PRKAA2: variants seen among roughly 807,000 people sequenced by gnomAD.
PRKAA2 encodes protein kinase AMP-activated catalytic subunit alpha 2.
Under a neutral mutation model 56.3 loss-of-function variants are expected in PRKAA2, and 40 were observed. The ratio of observed to expected loss-of-function variants is 0.71; its 90% CI spans 0.55 to 0.92. The LOEUF is 0.92. PRKAA2 is among the 40% of genes least tolerant of loss of function. PRKAA2 has a pLI of 0.00. For missense variants in PRKAA2, 542 were observed against 686.9 expected, an observed-to-expected ratio of 0.79 and a Z score of 2.36; for synonymous variants, 214 against 234.2, an observed-to-expected ratio of 0.91 and a Z score of 0.79.
intron 1 of PRKAA2, among the ~76,000 whole-genome samples, chr1:56,650,873 T>A (rs922689200): frequency 6.6e-6 from 1 of 152,200 alleles, no homozygotes; most frequent in Non-Finnish European, 1.5e-5. Context: ...GTTTTTGAGA[T>A]AACAGGAAGG....
At chr1:56,666,110 A>G (rs931146120) in intron 1 of PRKAA2, among the ~76,000 whole-genome samples, 1 of 152,238 alleles carries the variant, frequency 6.6e-6, no homozygotes, top group Non-Finnish European at 1.5e-5. Flanking sequence ...TAAAGCAGCA[A>G]TACTAGTAGA....
chr1:56,670,271 A>G (rs1370171884), intron 1 of PRKAA2, among the ~76,000 whole-genome samples: 1 of 152,222 alleles, frequency 6.6e-6, no homozygotes, highest in Admixed American at 6.5e-5. Flanking sequence ...AAATATCCAA[A>G]ATAAGAATGG....
At chr1:56,652,735 A>G (rs1030492349) in intron 1 of PRKAA2, among the ~76,000 whole-genome samples, 1 of 152,206 alleles carries the variant, frequency 6.6e-6, no homozygotes, top group African/African-American at 2.4e-5. Context: ...ATAAAATGCT[A>G]TACAGATAGA....
At chr1:56,661,448 A>G (rs1338954418) in intron 1 of PRKAA2, among the ~76,000 whole-genome samples, 1 of 152,146 alleles carries the variant, frequency 6.6e-6, no homozygotes, top group Non-Finnish European at 1.5e-5. Flanking sequence ...ATTCTACTGT[A>G]TCTGGCTTCT....
rs915079090 is a variant in PRKAA2 at position 56,712,844 on chromosome 1, T to A, written c.*5131T>A. On this transcript the variant is annotated 3_prime_UTR_variant, in exon 9 of 9. Transcript: ENST00000371244. Reference sequence around the variant, plus strand: ...GCCAGCCTGGGTGACAGCACAAGACTGTCTCAAAAAAAAACAAAAAAAGGA... The same window carrying A: ...GCCAGCCTGGGTGACAGCACAAGACAGTCTCAAAAAAAAACAAAAAAAGGA... The A allele has an allele frequency of 2.0e-5, 3 of 151,530 alleles. No homozygotes were observed. The highest frequency in any genetic ancestry group is 2.9e-5 in the Non-Finnish European group (2 of 67,960). The allele number at this position is 151,530 out of a possible 1,614,324, so 9.4% of individuals were successfully genotyped here.
chr1:56,685,788 GA>G (rs1644187062), intron 2 of PRKAA2, among the ~76,000 whole-genome samples: 1 of 151,786 alleles, frequency 6.6e-6, no homozygotes, highest in Non-Finnish European at 1.5e-5. Flanking sequence ...AAGAATGCAA[GA>G]AAAAAACAAC....
intron 1 of PRKAA2, among the ~76,000 whole-genome samples, chr1:56,665,228 C>T (rs992580573): frequency 4.6e-5 from 7 of 152,040 alleles, no homozygotes; most frequent in African/African-American, 1.7e-4. Flanking sequence ...TGCCCACCGC[C>T]ACACCCAGCT....
intron 1 of PRKAA2, among the ~76,000 whole-genome samples, chr1:56,662,891 T>A (rs1644006136): frequency 6.6e-6 from 1 of 152,126 alleles, no homozygotes; most frequent in Non-Finnish European, 1.5e-5. Context: ...GCAGGAGCAT[T>A]GTCATGGTGG....
chr1:56,664,879 CACACACACACACAT>C (rs1188284133), intron 1 of PRKAA2, among the ~76,000 whole-genome samples: 6 of 146,622 alleles, frequency 4.1e-5, no homozygotes, highest in African/African-American at 1.5e-4. Context: ...CACACACACA[CACACACACACACAT>C]ATATACATAC....
rs1464991863 is a variant in PRKAA2 at position 56,711,288 on chromosome 1, T to G, written c.*3575T>G. ...ATACAAATTGATTTTTACTGTTAAA[T>G]GAGACATAGTTTAGAAAAAATCATA... On this transcript the variant is annotated 3_prime_UTR_variant, in exon 9 of 9. Transcript: ENST00000371244. The G allele has an allele frequency of 6.6e-6, 1 of 152,150 alleles. No homozygotes were observed. Among genetic ancestry groups the G allele is most frequent in the Non-Finnish European group, 1.5e-5 (1 of 67,976 alleles). The allele number at this position is 152,150 out of a possible 1,614,324, so 9.4% of individuals were successfully genotyped here. A position where few individuals can be genotyped will look rare whatever the true frequency, so the allele number is the denominator to read the frequency against.
At chr1:56,658,478 G>GA (rs1437031264) in intron 1 of PRKAA2, among the ~76,000 whole-genome samples, 1 of 152,070 alleles carries the variant, frequency 6.6e-6, no homozygotes, top group Non-Finnish European at 1.5e-5. Context: ...AGAGTCTACT[G>GA]AATGCTAATA....
At chr1:56,703,375 A>G (rs1013870844) in intron 6 of PRKAA2, among the ~76,000 whole-genome samples, 1 of 152,030 alleles carries the variant, frequency 6.6e-6, no homozygotes, top group Non-Finnish European at 1.5e-5. Context: ...CATATTTTCC[A>G]AAAAAAATTG....
chr1:56,679,323 C>T (rs575500369), intron 2 of PRKAA2, among the ~76,000 whole-genome samples: 1 of 152,134 alleles, frequency 6.6e-6, no homozygotes, highest in Non-Finnish European at 1.5e-5. Flanking sequence ...TTTTGTTTCT[C>T]CAGATTTCTG....
intron 2 of PRKAA2, among the ~76,000 whole-genome samples, chr1:56,674,913 ACATT>A (rs545734244): frequency 6.6e-6 from 1 of 152,016 alleles, no homozygotes; most frequent in South Asian, 2.1e-4. Context: ...ATTTTCACTA[ACATT>A]CAGGGTATTT....
intron 2 of PRKAA2, among the ~76,000 whole-genome samples, chr1:56,683,318 T>C (rs754330486): frequency 3.3e-5 from 5 of 152,090 alleles, no homozygotes; most frequent in Non-Finnish European, 5.9e-5. Flanking sequence ...GTAGTAGGTA[T>C]TCAATAATTA....
At position 56,714,367 on chromosome 1, in the gene PRKAA2, C is replaced by T. The variant is rs185758871; in HGVS notation, c.*6654C>T. The T allele has an allele frequency of 1.5e-4, 23 of 152,100 alleles. No homozygotes were observed. Among genetic ancestry groups the T allele is most frequent in the Middle Eastern group, 3.4e-3 (1 of 294 alleles). The allele number at this position is 152,100 out of a possible 1,614,324, so 9.4% of individuals were successfully genotyped here. A position where few individuals can be genotyped will look rare whatever the true frequency, so the allele number is the denominator to read the frequency against. Reference sequence around the variant, plus strand: ...TGTGTGTGAGCAACTGTTTGAAAGCCCTTGTTTAAATACAGGGTTTATATC... The same window carrying T: ...TGTGTGTGAGCAACTGTTTGAAAGCTCTTGTTTAAATACAGGGTTTATATC... On this transcript the variant is annotated 3_prime_UTR_variant, in exon 9 of 9. Coordinates refer to ENST00000371244, the MANE Select transcript of PRKAA2 (RefSeq NM_006252.4).
chr1:56,692,797 T>G (rs1302035167), intron 4 of PRKAA2, among the ~76,000 whole-genome samples: 1 of 151,754 alleles, frequency 6.6e-6, no homozygotes, highest in Non-Finnish European at 1.5e-5. Flanking sequence ...TTTTGTTTTT[T>G]TTTTTTTTGA....
intron 8 of PRKAA2, 70 bp from the exon 9 acceptor site, chr1:56,707,405 C>A: frequency 1.6e-6 from 2 of 1,272,954 alleles, no homozygotes; most frequent in South Asian, 1.3e-5. Context: ...TTCTGAATAT[C>A]ATAAATTCAT....
At position 56,692,343 on chromosome 1, in the gene PRKAA2, T is replaced by G; in HGVS notation, c.331-15T>G. 2 of 1,613,742 alleles carry G rather than the reference T, an allele frequency of 1.2e-6. No homozygotes were observed. Among genetic ancestry groups the G allele is most frequent in the Non-Finnish European group, 1.7e-6 (2 of 1,179,856 alleles). On this transcript the variant is annotated splice_polypyrimidine_tract_variant and intron_variant, in intron 3 of 8. Transcript: ENST00000371244. Reference sequence around the variant, plus strand: ...CCCCAGATATTCTTAATGCAGTTTCTTTTGTGCTTGATAGGTTGAAGAGAT... The same window carrying G: ...CCCCAGATATTCTTAATGCAGTTTCGTTTGTGCTTGATAGGTTGAAGAGAT...
Sources: gnomAD v4.1 joint callset for allele counts (sites outside exome capture counted in the v4.1 genomes callset) on GRCh38, gnomAD v4.1.1 for gene constraint, MANE v1.5 for transcripts, NCBI Gene and HGNC (gene_info 2026-07-23, HGNC 2026-07-21) for gene names.